TMEM39A: variants seen among roughly 807,000 people sequenced by gnomAD.
TMEM39A encodes suppressor of SQST-1 aggregates in rpl-43 mutants.
In TMEM39A, 19 loss-of-function variants were observed where a neutral mutation model predicts 51.9. That is an observed-to-expected ratio of 0.37 (90% CI 0.26 to 0.54). The LOEUF is 0.54. Ranked by LOEUF, TMEM39A falls within the 20% of genes least tolerant of loss-of-function variation. The pLI is 0.88. For synonymous variants in TMEM39A, 197 were observed against 220.2 expected (o/e 0.89, Z 0.93); for missense variants, 433 against 590.5 (o/e 0.73, Z 2.76).
chr3:119,443,604 T>C (rs1455050611), intron 5 of TMEM39A, among the ~76,000 whole-genome samples: 1 of 152,146 alleles, frequency 6.6e-6, no homozygotes, highest in Non-Finnish European at 1.5e-5. Flanking sequence ...ATAATGCTAT[T>C]ATGTACTTAA....
chr3:119,453,926 A>G (rs1484558083), intron 3 of TMEM39A, among the ~76,000 whole-genome samples: 1 of 152,226 alleles, frequency 6.6e-6, no homozygotes, highest in African/African-American at 2.4e-5. Context: ...ATAATGACTA[A>G]GAAGGAGGTG....
intron 2 of TMEM39A, among the ~76,000 whole-genome samples, chr3:119,460,889 A>G (rs2081327422): frequency 6.6e-6 from 1 of 152,222 alleles, no homozygotes; most frequent in Admixed American, 6.5e-5. Context: ...TTTTATCTCA[A>G]TACCTATATT....
chr3:119,445,988 G>A (rs2081119500), intron 5 of TMEM39A, among the ~76,000 whole-genome samples: 1 of 151,980 alleles, frequency 6.6e-6, no homozygotes, highest in Non-Finnish European at 1.5e-5. Flanking sequence ...CTAAAACCAT[G>A]GATAGTACCA....
chr3:119,462,970 A>C (rs1471305503), intron 1 of TMEM39A, among the ~76,000 whole-genome samples: 1 of 151,870 alleles, frequency 6.6e-6, no homozygotes, highest in Non-Finnish European at 1.5e-5. Context: ...AATGTTTCCT[A>C]AACAATACAA....
At chr3:119,436,730 A>G in intron 7 of TMEM39A, 61 bp downstream of exon 7, 1 of 1,503,458 alleles carries the variant, frequency 6.7e-7, no homozygotes. Flanking sequence ...ATACAAAGCA[A>G]ATAAACATGA....
Position 119,444,765 on chromosome 3 carries a change from C to T in TMEM39A, c.575+2253G>A, listed in dbSNP as rs115132775. On this transcript the variant is annotated intron_variant, in intron 5 of 8. Transcript: ENST00000319172. ...GTTTGGGGTAGATTCTGAGAATTTC[C>T]AACAAATTTATAGGTGATGCTGATG... Among the ~76,000 whole-genome samples the T allele has an allele frequency of 8.0e-3, 1,211 of 152,148 alleles. 21 individuals carry two copies. Among genetic ancestry groups the T allele is most frequent in the South Asian group, 0.071 (341 of 4,810 alleles).
intron 2 of TMEM39A, among the ~76,000 whole-genome samples, chr3:119,461,665 T>C (rs2081340821): frequency 6.6e-6 from 1 of 152,246 alleles, no homozygotes; most frequent in South Asian, 2.1e-4. Flanking sequence ...CCATCACACT[T>C]ACCTTGTATT....
intron 5 of TMEM39A, among the ~76,000 whole-genome samples, chr3:119,439,581 A>C (rs886474787): frequency 2.8e-5 from 3 of 105,726 alleles, no homozygotes; most frequent in Admixed American, 1.1e-4. Flanking sequence ...CTCCTTCTCA[A>C]AAAAAAAAAA....
intron 5 of TMEM39A, among the ~76,000 whole-genome samples, chr3:119,445,427 G>A (rs776540864): frequency 1.1e-4 from 16 of 152,098 alleles, no homozygotes; most frequent in Non-Finnish European, 2.2e-4. Context: ...ACCACGCCCT[G>A]CTAATTTTTT....
chr3:119,461,218 T>G (rs1396616592), intron 2 of TMEM39A, among the ~76,000 whole-genome samples: 1 of 152,162 alleles, frequency 6.6e-6, no homozygotes, highest in Non-Finnish European at 1.5e-5. Context: ...AACTGGAATT[T>G]CAGGGAGAGC....
At chr3:119,437,574 A>G (rs963991835) in intron 6 of TMEM39A, among the ~76,000 whole-genome samples, 181 bp downstream of exon 6, 9 of 151,918 alleles carry the variant, frequency 5.9e-5, no homozygotes, top group Non-Finnish European at 1.0e-4. Context: ...GGTGCATCAC[A>G]TATATGGAAA....
chr3:119,438,326 T>C (rs542240057), intron 5 of TMEM39A, among the ~76,000 whole-genome samples: 1 of 152,328 alleles, frequency 6.6e-6, no homozygotes, highest in South Asian at 2.1e-4. Flanking sequence ...ATTAAGAACC[T>C]ACAGAAAAAC....
rs192359302 is a variant in TMEM39A at position 119,451,656 on chromosome 3, C to A, written c.420+791G>T. 5.7e-3 allele frequency among the ~76,000 whole-genome samples: 862 copies of A among 151,886 alleles called. 6 individuals are homozygous for A. The highest frequency in any genetic ancestry group is 9.6e-3 in the Non-Finnish European group (650 of 67,938). On this transcript the variant is annotated intron_variant, in intron 4 of 8. Transcript: ENST00000319172. Reference sequence around the variant, plus strand: ...GACCAGCCTGACCGACATGGAGAAACCCCGTCTCTACTAAAAATACAAAAT... The same window carrying A: ...GACCAGCCTGACCGACATGGAGAAAACCCGTCTCTACTAAAAATACAAAAT...
At chr3:119,441,333 A>C (rs1034129678) in intron 5 of TMEM39A, among the ~76,000 whole-genome samples, 6 of 152,256 alleles carry the variant, frequency 3.9e-5, no homozygotes, top group Admixed American at 3.9e-4. Context: ...AAATGCAAAG[A>C]AAAAGTTATT....
Position 119,432,234 on chromosome 3 carries a change from GT to G in TMEM39A, c.1234-21del. The G allele has an allele frequency of 6.5e-7, 1 of 1,545,366 alleles. No homozygotes were observed. Among genetic ancestry groups the G allele is most frequent in the Non-Finnish European group, 8.8e-7 (1 of 1,131,706 alleles). On this transcript the variant is annotated intron_variant, in intron 8 of 8. Transcript: ENST00000319172. ...TAAGAACTGTAAGGAAGTTAAAAAA[GT>G]AAAACATTATTTCATAGAAAAGTAA...
intron 3 of TMEM39A, among the ~76,000 whole-genome samples, chr3:119,454,372 TC>T (rs1321286372): frequency 1.3e-5 from 2 of 152,192 alleles, no homozygotes; most frequent in African/African-American, 4.8e-5. Context: ...ATTTATCCCC[TC>T]CTATTTTTGG....
At chr3:119,439,088 C>G (rs1044410209) in intron 5 of TMEM39A, among the ~76,000 whole-genome samples, 3 of 152,096 alleles carry the variant, frequency 2.0e-5, no homozygotes, top group African/African-American at 4.8e-5. Flanking sequence ...TGAATTTCTA[C>G]CAGTAAAATT....
At position 119,436,886 on chromosome 3, in the gene TMEM39A, T is replaced by C. The variant is rs746565549; in HGVS notation, c.1017A>G (p.Pro339=). 6.2e-7 allele frequency: 1 copy of C among 1,614,078 alleles called. No homozygotes were observed. The highest frequency in any genetic ancestry group is 2.2e-5 in the East Asian group (1 of 44,882). Reference sequence around the variant, plus strand: ...TATGTAGCAAATCACAGTATTTGGATGGCAACAGTTGCGTGGTGAGCATGA... The same window carrying C: ...TATGTAGCAAATCACAGTATTTGGACGGCAACAGTTGCGTGGTGAGCATGA... The part of the protein sequence containing the change: ...AFVMLTTQLL[P]SKYCDLLHKS... The change falls in exon 7 of 9, where the codon CCA becomes CCG. Residue 339 remains proline, a synonymous_variant. Coordinates refer to ENST00000319172, the MANE Select transcript of TMEM39A (RefSeq NM_018266.3).
At chr3:119,434,075 T>C (rs998205593) in intron 8 of TMEM39A, among the ~76,000 whole-genome samples, 1 of 152,186 alleles carries the variant, frequency 6.6e-6, no homozygotes, top group Non-Finnish European at 1.5e-5. Context: ...ATTTTTACTA[T>C]AAACAGTCCC....
Sources: allele counts gnomAD v4.1 joint callset (sites outside exome capture counted in the v4.1 genomes callset), GRCh38; gene constraint gnomAD v4.1.1; transcripts MANE v1.5; gene names NCBI Gene and HGNC (gene_info 2026-07-23, HGNC 2026-07-21).